Variants in DHX15 observed in about 807,000 individuals in gnomAD.
The protein encoded by DHX15 is ATP-dependent RNA helicase DHX15.
DHX15 carries 11 observed loss-of-function variants against 94.4 expected under a neutral mutation model. The ratio of observed to expected loss-of-function variants is 0.12; its 90% CI spans 0.07 to 0.19. The LOEUF (loss-of-function observed/expected upper bound fraction) is 0.19. Ranked by LOEUF, DHX15 falls within the 10% of genes least tolerant of loss-of-function variation. The pLI, the probability that DHX15 is intolerant of heterozygous loss-of-function variation, is 1.00. For missense variants in DHX15, 304 were observed against 988.5 expected, an observed-to-expected ratio of 0.31 and a Z score of 9.29; for synonymous variants, 338 against 329.9, an observed-to-expected ratio of 1.02 and a Z score of -0.27.
rs1417329121 is a variant in DHX15, at chr4:24,547,915, A to ATCTATC, written c.1248+939_1248+940insGATAGA. Among the ~76,000 whole-genome samples, 42 of 53,776 alleles carry ATCTATC rather than the reference A, an allele frequency of 7.8e-4. 1 individual carries two copies. The South Asian group carries it at 0.017, about 22-fold the overall frequency. 35.3% of individuals were successfully genotyped at this position (53,776 alleles called of 152,430 possible). A position where few individuals can be genotyped will look rare whatever the true frequency, so the allele number is the denominator to read the frequency against. On this transcript the variant is annotated intron_variant, in intron 6 of 13. Coordinates refer to ENST00000336812, the MANE Select transcript of DHX15 (RefSeq NM_001358.3). ...TATGTATGTATGTGTATATATATAT[A>ATCTATC]TATATATATATATATATATATATAT...
At position 24,551,043 on chromosome 4, in the gene DHX15, A is replaced by AT. The variant is rs1260354275; in HGVS notation, c.1081-2022dup. ...TGACCAAAACGTTGTTATGTGGCACATGACTATATTCTAACACATGTGCAT... is the reference window on the plus strand; with the variant it reads ...TGACCAAAACGTTGTTATGTGGCACATTGACTATATTCTAACACATGTGCAT... On this transcript the variant is annotated intron_variant, in intron 5 of 13. Transcript: ENST00000336812. Among the ~76,000 whole-genome samples the AT allele has an allele frequency of 2.6e-5, 4 of 152,216 alleles. No homozygotes were observed. The East Asian group carries it at 7.7e-4, about 29-fold the overall frequency.
intron 7 of DHX15, among the ~76,000 whole-genome samples, 157 bp downstream of exon 7, chr4:24,542,783 A>G (rs1410228866): frequency 6.6e-6 from 1 of 152,154 alleles, no homozygotes; most frequent in African/African-American, 2.4e-5. Context: ...AATTTCTGAG[A>G]GCCAGCCAAA....
At chr4:24,549,112 T>A in intron 5 of DHX15, 90 bp from the exon 6 acceptor site, 1 of 1,079,970 alleles carries the variant, frequency 9.3e-7, no homozygotes, top group Non-Finnish European at 1.3e-6. Context: ...GTTTTATGTA[T>A]GCCATCTTCT....
At chr4:24,577,084 A>G (rs1234903620) in intron 1 of DHX15, among the ~76,000 whole-genome samples, 1 of 152,252 alleles carries the variant, frequency 6.6e-6, no homozygotes, top group Non-Finnish European at 1.5e-5. Flanking sequence ...TATTTTGTGC[A>G]CTAAAAGTAT....
chr4:24,548,135 T>C (rs1399538749), intron 6 of DHX15, among the ~76,000 whole-genome samples: 2 of 143,910 alleles, frequency 1.4e-5, no homozygotes, highest in African/African-American at 2.6e-5. Flanking sequence ...GTGTGATCAG[T>C]GCTACTTTTT....
chr4:24,527,792 C>T lies in DHX15; in HGVS notation c.*132G>A. 1.7e-6 allele frequency: 1 copy of T among 595,746 alleles called. No individual in the cohort carries two copies. Among genetic ancestry groups the T allele is most frequent in the East Asian group, 2.7e-5 (1 of 36,756 alleles). 36.9% of individuals were successfully genotyped at this position (595,746 alleles called of 1,614,324 possible). ...TTATGAAATCAGAATGGAATATTTA[C>T]TGTAAAGAAAAATTAAAAAGCTTTC... On this transcript the variant is annotated 3_prime_UTR_variant, in exon 14 of 14. Transcript: ENST00000336812.
chr4:24,565,009 G>A (rs1205774553), intron 3 of DHX15, among the ~76,000 whole-genome samples: 2 of 151,986 alleles, frequency 1.3e-5, no homozygotes, highest in Admixed American at 6.6e-5. Flanking sequence ...ACCTAATCAC[G>A]AAAAAATGCC....
In DHX15 at chr4:24,547,677, G is replaced by A. The variant is rs965443438; in HGVS notation, c.1248+1178C>T. Among the ~76,000 whole-genome samples the A allele has an allele frequency of 1.4e-4, 22 of 151,882 alleles. No homozygotes were observed. In the East Asian group the frequency reaches 1.9e-3, roughly 13 times the overall value. ...AAACTAGGCAGGCTGAGGGCTGGGCGTAGTGGCTAATGCCTGTAGTCCTAG... is the reference window on the plus strand; with the variant it reads ...AAACTAGGCAGGCTGAGGGCTGGGCATAGTGGCTAATGCCTGTAGTCCTAG... On this transcript the variant is annotated intron_variant, in intron 6 of 13. Transcript: ENST00000336812.
intron 9 of DHX15, 37 bp from the exon 10 acceptor site, chr4:24,540,336 T>A: frequency 6.5e-7 from 1 of 1,544,060 alleles, no homozygotes; most frequent in Admixed American, 2.0e-5. Flanking sequence ...CACGGTGCCT[T>A]AAGCAAGCAA....
At chr4:24,546,850 T>TCA (rs1721436965) in intron 6 of DHX15, among the ~76,000 whole-genome samples, 1 of 152,208 alleles carries the variant, frequency 6.6e-6, no homozygotes, top group Non-Finnish European at 1.5e-5. Context: ...TCAAAAACTT[T>TCA]CAACTTTTAT....
intron 8 of DHX15, among the ~76,000 whole-genome samples, chr4:24,541,333 A>G (rs1721304940): frequency 6.6e-6 from 1 of 152,090 alleles, no homozygotes; most frequent in Non-Finnish European, 1.5e-5. Flanking sequence ...CTATACACCC[A>G]TTTGTCACTT....
chr4:24,577,890 A>C (rs1436642684), intron 1 of DHX15, among the ~76,000 whole-genome samples: 1 of 152,222 alleles, frequency 6.6e-6, no homozygotes, highest in Non-Finnish European at 1.5e-5. Flanking sequence ...CCCAGACTTG[A>C]AATAATGAGA....
At position 24,548,852 on chromosome 4, in the gene DHX15, T is replaced by A; in HGVS notation, c.1248+3A>T. The A allele has an allele frequency of 6.2e-7, 1 of 1,609,504 alleles. No homozygotes were observed. The highest frequency in any genetic ancestry group is 1.1e-5 in the South Asian group (1 of 90,442). On this transcript the variant is annotated splice_donor_region_variant and intron_variant, in intron 6 of 13. Coordinates refer to ENST00000336812, the MANE Select transcript of DHX15 (RefSeq NM_001358.3). ...TATTTATAAAGAGCATTTCTAATGT[T>A]ACCTTTCTTCCAATTGCTCCATTCT... is the stretch of plus-strand genomic sequence containing the variant.
chr4:24,533,436 T>A (rs1577331924), intron 11 of DHX15: 1 of 255,536 alleles, frequency 3.9e-6, no homozygotes, highest in East Asian at 8.7e-5. Flanking sequence ...AGCTTTAGAT[T>A]AAGATAACTG....
chr4:24,538,694 T>A, intron 10 of DHX15: 1 of 152,078 alleles, frequency 6.6e-6, no homozygotes, highest in East Asian at 1.9e-4. Flanking sequence ...ATGCTCATTC[T>A]CCTGACAAAC....
At chr4:24,571,175 A>G (rs1341861078) in intron 2 of DHX15, among the ~76,000 whole-genome samples, 2 of 152,318 alleles carry the variant, frequency 1.3e-5, no homozygotes, top group African/African-American at 2.4e-5. Context: ...AAACGTTTCT[A>G]AGAAAGTGTA....
At chr4:24,556,846 T>C (rs1414858486) in intron 3 of DHX15, among the ~76,000 whole-genome samples, 1 of 152,200 alleles carries the variant, frequency 6.6e-6, no homozygotes, top group Non-Finnish European at 1.5e-5. Context: ...TAAACATTTT[T>C]TGTTAAGCCT....
intron 5 of DHX15, among the ~76,000 whole-genome samples, chr4:24,552,592 AT>A (rs1273039107): frequency 2.6e-5 from 4 of 152,232 alleles, no homozygotes; most frequent in African/African-American, 7.2e-5. Context: ...TCGCAGTTGC[AT>A]TTAACTTACC....
intron 6 of DHX15, among the ~76,000 whole-genome samples, chr4:24,546,123 G>A (rs2109399864): frequency 6.6e-6 from 1 of 152,104 alleles, no homozygotes; most frequent in East Asian, 1.9e-4. Context: ...AACTAATTTG[G>A]ACTTTTAGTC....
Sources: gnomAD v4.1 joint callset for allele counts (sites outside exome capture counted in the v4.1 genomes callset) on GRCh38, gnomAD v4.1.1 for gene constraint, MANE v1.5 for transcripts, NCBI Gene and HGNC (gene_info 2026-07-23, HGNC 2026-07-21) for gene names.